Variants in TLN2 observed in about 807,000 individuals in gnomAD.
TLN2 encodes the protein talin-2.
In TLN2, 118 loss-of-function variants were observed where a neutral mutation model predicts 294.7. The ratio of observed to expected loss-of-function variants is 0.40; its 90% CI spans 0.34 to 0.47. The LOEUF is 0.47. Among genes scored for constraint, TLN2 ranks in the 20% least tolerant of loss-of-function variants. The pLI, the probability that TLN2 is intolerant of heterozygous loss-of-function variation, is 0.84. For missense variants in TLN2, 3,083 were observed against 3,282.2 expected (o/e 0.94, Z 1.48); for synonymous variants, 1,431 against 1,304.5 (o/e 1.10, Z -2.09).
intron 6 of TLN2, among the ~76,000 whole-genome samples, chr15:62,652,688 C>T (rs1394406535): frequency 6.6e-6 from 1 of 152,104 alleles, no homozygotes; most frequent in Non-Finnish European, 1.5e-5. Context: ...TCCTCTGTGG[C>T]GGTGTTTCCC....
At chr15:62,689,420 C>G (rs1388506755) in intron 12 of TLN2, among the ~76,000 whole-genome samples, 2 of 152,150 alleles carry the variant, frequency 1.3e-5, no homozygotes, top group Admixed American at 6.5e-5. Context: ...ATGAAAGAAA[C>G]TCATGAGGTG....
At chr15:62,445,369 T>C (rs2035761925) in intron 1 of TLN2, among the ~76,000 whole-genome samples, 1 of 152,190 alleles carries the variant, frequency 6.6e-6, no homozygotes, top group Non-Finnish European at 1.5e-5. Context: ...CGTTAGAGTT[T>C]ATCTCATGAT....
chr15:62,806,624 C>T (rs764568419), intron 51 of TLN2, among the ~76,000 whole-genome samples: 3 of 152,186 alleles, frequency 2.0e-5, no homozygotes, highest in African/African-American at 7.2e-5. Flanking sequence ...AGCAACTGCC[C>T]TGAGCCTGTG....
intron 54 of TLN2, 111 bp from the exon 55 acceptor site, chr15:62,833,393 C>T (rs1045246448): frequency 2.9e-5 from 43 of 1,488,116 alleles, no homozygotes; most frequent in Non-Finnish European, 2.5e-5. Flanking sequence ...GGTTTGTCAA[C>T]AAAAAACAAT....
chr15:62,768,133 C>G (rs1045310871), intron 41 of TLN2, among the ~76,000 whole-genome samples: 1 of 152,166 alleles, frequency 6.6e-6, no homozygotes, highest in Non-Finnish European at 1.5e-5. Flanking sequence ...GGCCCCAGAT[C>G]AGCAGCTTCA....
chr15:62,803,434 C>T (rs1178978278), intron 50 of TLN2, among the ~76,000 whole-genome samples: 1 of 152,128 alleles, frequency 6.6e-6, no homozygotes, highest in Non-Finnish European at 1.5e-5. Context: ...TTTTTAAGGC[C>T]AATAACTCTT....
At chr15:62,423,920 G>A (rs1294042028) in intron 1 of TLN2, among the ~76,000 whole-genome samples, 3 of 152,108 alleles carry the variant, frequency 2.0e-5, no homozygotes, top group African/African-American at 7.2e-5. Context: ...GGCTTTAATT[G>A]ACTCTGCTTT....
chr15:62,539,776 C>T (rs2041566873), intron 1 of TLN2, among the ~76,000 whole-genome samples: 1 of 151,970 alleles, frequency 6.6e-6, no homozygotes. Context: ...TTCTTGCTGT[C>T]TATCTGGCCA....
chr15:62,656,607 T>C (rs80324594), intron 8 of TLN2, among the ~76,000 whole-genome samples: 55 of 152,344 alleles, frequency 3.6e-4, no homozygotes, highest in African/African-American at 1.3e-3. Context: ...CCAAGGTTTC[T>C]TGTGGCTCAA....
chr15:62,435,781 A>T (rs535616314), intron 1 of TLN2, among the ~76,000 whole-genome samples: 57 of 152,194 alleles, frequency 3.7e-4, no homozygotes, highest in African/African-American at 1.3e-3. Context: ...ACCTCAGGTG[A>T]TCCACCCTCC....
At chr15:62,628,973 G>C (rs933607118) in intron 3 of TLN2, among the ~76,000 whole-genome samples, 1 of 152,224 alleles carries the variant, frequency 6.6e-6, no homozygotes, top group Non-Finnish European at 1.5e-5. Context: ...GAGGCAGGAG[G>C]ATTGCTTGAG....
At chr15:62,573,097 C>G (rs564588889) in intron 1 of TLN2, among the ~76,000 whole-genome samples, 2 of 152,346 alleles carry the variant, frequency 1.3e-5, no homozygotes, top group East Asian at 1.9e-4. Flanking sequence ...GCCTTCCCTT[C>G]CAATCAGCAT....
At chr15:62,636,641 G>C (rs2050412465) in intron 3 of TLN2, among the ~76,000 whole-genome samples, 1 of 152,138 alleles carries the variant, frequency 6.6e-6, no homozygotes, top group Non-Finnish European at 1.5e-5. Flanking sequence ...AGTGATGTGT[G>C]GTGTGGGGTC....
At chr15:62,521,876 C>T (rs756042858) in intron 1 of TLN2, among the ~76,000 whole-genome samples, 1 of 152,160 alleles carries the variant, frequency 6.6e-6, no homozygotes, top group Admixed American at 6.6e-5. Context: ...TCCTCAGTGT[C>T]TGCTCTCTGC....
intron 1 of TLN2, among the ~76,000 whole-genome samples, chr15:62,559,338 C>T (rs758354002): frequency 1.3e-5 from 2 of 152,186 alleles, no homozygotes; most frequent in Admixed American, 6.5e-5. Flanking sequence ...CGGATGTGGA[C>T]TGAGCCTAGA....
chr15:62,792,834 C>A, intron 46 of TLN2, 47 bp downstream of exon 46: 1 of 1,605,854 alleles, frequency 6.2e-7, no homozygotes, highest in Non-Finnish European at 8.5e-7. Context: ...TGCGCTGGCT[C>A]TCAGTGATCC....
chr15:62,645,390 C>T (rs2051709282), intron 3 of TLN2: 1 of 152,224 alleles, frequency 6.6e-6, no homozygotes, highest in African/African-American at 2.4e-5. Flanking sequence ...CCTGACCTTT[C>T]TCAACTAAGG....
chr15:62,775,959 A>G (rs556200970), intron 42 of TLN2, among the ~76,000 whole-genome samples: 2 of 152,100 alleles, frequency 1.3e-5, no homozygotes, highest in Non-Finnish European at 2.9e-5. Context: ...TCCCCATCCT[A>G]CCTAGGAGGA....
In TLN2 at chr15:62,686,710, G is replaced by C; in HGVS notation, c.1027G>C (p.Val343Leu). 4.3e-6 allele frequency: 7 copies of C among 1,614,024 alleles called. No homozygotes were observed. The highest frequency in any genetic ancestry group is 4.2e-6 in the Non-Finnish European group (5 of 1,179,958). Reference protein sequence around the residue: ...LGITKDSVMRVDEKTKEVLQE... With the variant: ...LGITKDSVMRLDEKTKEVLQE... ...GATCACCAAAGACTCGGTGATGCGC[G>C]TGGATGAGAAGACCAAGGAAGTGCT... is the stretch of plus-strand genomic sequence containing the variant. Residue 343 changes from valine to leucine, a missense_variant, in exon 12 of 59, where the codon GTG (valine) becomes CTG (leucine). Coordinates refer to ENST00000636159, the MANE Select transcript of TLN2 (RefSeq NM_015059.3).
Sources: gnomAD v4.1 joint callset for allele counts (sites outside exome capture counted in the v4.1 genomes callset) on GRCh38, gnomAD v4.1.1 for gene constraint, MANE v1.5 for transcripts, NCBI Gene and HGNC (gene_info 2026-07-23, HGNC 2026-07-21) for gene names.